Variants in GHR observed in about 807,000 individuals in gnomAD.
The protein encoded by GHR is growth hormone receptor, also known as GH receptor.
Under a neutral mutation model 67.1 loss-of-function variants are expected in GHR, and 35 were observed. The observed-to-expected ratio is 0.52, with a 90% CI of 0.40 to 0.69. GHR has a LOEUF of 0.69. GHR is among the 30% of genes least tolerant of loss of function. GHR has a pLI of 0.00. For synonymous variants in GHR, 272 were observed against 269.1 expected (o/e 1.01, Z -0.10); for missense variants, 792 against 764.6 (o/e 1.04, Z -0.42).
intron 3 of GHR, among the ~76,000 whole-genome samples, chr5:42,657,800 GC>G (rs1276903193): frequency 2.6e-5 from 4 of 151,758 alleles, no homozygotes; most frequent in Admixed American, 2.0e-4. Context: ...CCTTTTTCTT[GC>G]TTTTATAGTG....
At position 42,424,206 on chromosome 5, in the gene GHR, G is replaced by GTA; in HGVS notation, c.-12+252_-12+253insAT. ...TGTGTGTGTGTGTGTGTGTGTGTGT[G>GTA]TGTGTGTGTGTGTCTGGAAGTTGGT... On this transcript the variant is annotated intron_variant, in intron 1 of 9. Transcript: ENST00000230882. This position sits in a 1 kb window ranked among gnomAD's most constrained non-coding sequence, Gnocchi z 4.1. 6.6e-6 allele frequency among the ~76,000 whole-genome samples: 1 copy of GTA among 151,390 alleles called. No homozygotes were observed.
At chr5:42,444,313 A>G (rs1005686500) in intron 1 of GHR, among the ~76,000 whole-genome samples, 4 of 152,218 alleles carry the variant, frequency 2.6e-5, no homozygotes, top group African/African-American at 4.8e-5. Flanking sequence ...AGTGCCAGTG[A>G]CATGAGACTT....
intron 1 of GHR, among the ~76,000 whole-genome samples, chr5:42,439,259 C>G (rs1339125717): frequency 6.6e-6 from 1 of 152,176 alleles, no homozygotes; most frequent in African/African-American, 2.4e-5. Flanking sequence ...AAGAAATCCT[C>G]ATGGGAAAAC....
chr5:42,489,685 T>C (rs182455279), intron 1 of GHR, among the ~76,000 whole-genome samples: 235 of 152,334 alleles, frequency 1.5e-3, no homozygotes, highest in African/African-American at 4.7e-3. Flanking sequence ...TTAGAGATCA[T>C]TGTGTATTGA....
At chr5:42,634,652 T>C (rs1292311164) in intron 3 of GHR, among the ~76,000 whole-genome samples, 3 of 152,182 alleles carry the variant, frequency 2.0e-5, no homozygotes, top group Non-Finnish European at 4.4e-5. Flanking sequence ...AGGAGAGTGA[T>C]AAAGATATAG....
intron 1 of GHR, among the ~76,000 whole-genome samples, chr5:42,469,979 T>A (rs1326640209): frequency 6.6e-6 from 1 of 151,184 alleles, no homozygotes; most frequent in Non-Finnish European, 1.5e-5. Context: ...CTAAATGGGG[T>A]AAGAGTGGGG....
At chr5:42,501,559 A>G (rs1746541946) in intron 1 of GHR, among the ~76,000 whole-genome samples, 1 of 152,140 alleles carries the variant, frequency 6.6e-6, no homozygotes, top group African/African-American at 2.4e-5. Flanking sequence ...ATTTTGGGCC[A>G]GATAATTCTT....
At chr5:42,640,391 C>A (rs988046260) in intron 3 of GHR, among the ~76,000 whole-genome samples, 16 of 152,034 alleles carry the variant, frequency 1.1e-4, no homozygotes, top group Admixed American at 7.9e-4. Context: ...TAGAAAAGTT[C>A]CTAGCACAAA....
At chr5:42,645,343 T>A (rs2112803508) in intron 3 of GHR, among the ~76,000 whole-genome samples, 1 of 152,324 alleles carries the variant, frequency 6.6e-6, no homozygotes, top group African/African-American at 2.4e-5. Context: ...GCTGAAATCA[T>A]CTAATAGCAA....
intron 1 of GHR, among the ~76,000 whole-genome samples, chr5:42,515,755 C>T (rs1421295620): frequency 1.3e-5 from 2 of 152,164 alleles, no homozygotes; most frequent in Non-Finnish European, 2.9e-5. Context: ...CCTTCATAAC[C>T]AGGAAGAATA....
intron 1 of GHR, among the ~76,000 whole-genome samples, chr5:42,442,244 T>A (rs1376722679): frequency 6.6e-6 from 1 of 152,104 alleles, no homozygotes; most frequent in East Asian, 1.9e-4. Context: ...AGGGAATAAA[T>A]GAGTGAAATT....
rs369247599 is a variant in GHR, at chr5:42,702,655, CCCA to C, written c.618+2657_618+2659del. Among the ~76,000 whole-genome samples, 243 of 152,136 alleles carry C rather than the reference CCCA, an allele frequency of 1.6e-3. 1 individual carries two copies. Among genetic ancestry groups the C allele is most frequent in the African/African-American group, 5.5e-3 (228 of 41,544 alleles). ...CATAGAGGGTATACTAATTTACACT[CCCA>C]CCAATAGTGTGCAAGGGTTCCCTTT... On this transcript the variant is annotated intron_variant, in intron 6 of 9. Transcript: ENST00000230882.
intron 1 of GHR, among the ~76,000 whole-genome samples, chr5:42,464,830 A>G (rs540296879): frequency 3.3e-5 from 5 of 152,312 alleles, no homozygotes; most frequent in Non-Finnish European, 5.9e-5. Flanking sequence ...TGACTTCTCC[A>G]CTACAAAGAA....
intron 1 of GHR, chr5:42,549,568 G>T (rs749598896): frequency 6.9e-5 from 36 of 518,154 alleles, no homozygotes; most frequent in Non-Finnish European, 8.7e-5. Context: ...GGAATGAGTA[G>T]CAAAGATGGA....
chr5:42,662,579 C>A (rs1478586556), intron 3 of GHR, among the ~76,000 whole-genome samples: 1 of 152,024 alleles, frequency 6.6e-6, no homozygotes, highest in Non-Finnish European at 1.5e-5. Flanking sequence ...CACAACATAC[C>A]AGAATCTCTG....
At chr5:42,608,294 GAA>G (rs1278917251) in intron 2 of GHR, among the ~76,000 whole-genome samples, 4 of 152,262 alleles carry the variant, frequency 2.6e-5, no homozygotes, top group Non-Finnish European at 5.9e-5. Context: ...AAATAAAAAA[GAA>G]TGGGGAATTC....
intron 6 of GHR, among the ~76,000 whole-genome samples, chr5:42,702,820 T>C (rs1353897715): frequency 2.0e-5 from 3 of 152,140 alleles, no homozygotes; most frequent in African/African-American, 7.2e-5. Context: ...TGATTAAAGA[T>C]GTCAAGCATT....
At chr5:42,465,575 C>T (rs879096668) in intron 1 of GHR, 106 of 1,261,412 alleles carry the variant, frequency 8.4e-5, no homozygotes, top group Non-Finnish European at 1.0e-4. Context: ...CAAGTCACTG[C>T]AATTATAAGA....
intron 3 of GHR, among the ~76,000 whole-genome samples, chr5:42,629,898 T>G (rs994911727): frequency 3.0e-5 from 4 of 132,168 alleles, no homozygotes; most frequent in Admixed American, 7.3e-5. Context: ...CCAACCAAAT[T>G]GCCTTAAGCT....
Sources: allele counts gnomAD v4.1 joint callset (sites outside exome capture counted in the v4.1 genomes callset), GRCh38; gene constraint gnomAD v4.1.1; non-coding constraint Gnocchi (gnomAD v3.1); transcripts MANE v1.5; gene names NCBI Gene and HGNC (gene_info 2026-07-23, HGNC 2026-07-21).